The following MAGI1 variants were observed in gnomAD, a reference collection of about 807,000 sequenced individuals.
The protein encoded by MAGI1 is membrane-associated guanylate kinase, WW and PDZ domain-containing protein 1.
MAGI1 carries 58 observed loss-of-function variants against 139.9 expected under a neutral mutation model. The ratio of observed to expected loss-of-function variants is 0.41; its 90% CI spans 0.34 to 0.52. MAGI1 has a LOEUF of 0.52. Among genes scored for constraint, MAGI1 ranks in the 20% least tolerant of loss-of-function variants. MAGI1 has a pLI of 0.12. For missense variants in MAGI1, 1,874 were observed against 1,901.6 expected (o/e 0.99, Z 0.27); for synonymous variants, 812 against 737.9 (o/e 1.10, Z -1.63).
chr3:65,637,665 T>C (rs1048638928), intron 1 of MAGI1, among the ~76,000 whole-genome samples: 3 of 152,142 alleles, frequency 2.0e-5, no homozygotes, highest in Non-Finnish European at 4.4e-5. Flanking sequence ...TTGTTGAGAT[T>C]TGATATGCAC....
chr3:65,926,353 CT>C (rs1441800197), intron 1 of MAGI1, among the ~76,000 whole-genome samples: 9 of 151,300 alleles, frequency 5.9e-5, no homozygotes, highest in African/African-American at 2.2e-4. Flanking sequence ...CTCTCTCTCT[CT>C]CTCTCTCTCT....
At chr3:65,654,481 C>G (rs1044695762) in intron 1 of MAGI1, among the ~76,000 whole-genome samples, 1 of 152,076 alleles carries the variant, frequency 6.6e-6, no homozygotes, top group Non-Finnish European at 1.5e-5. Context: ...AGTATGGCAG[C>G]CTTATAATAA....
intron 1 of MAGI1, among the ~76,000 whole-genome samples, chr3:65,738,968 C>T (rs979759919): frequency 6.6e-6 from 1 of 152,188 alleles, no homozygotes; most frequent in Non-Finnish European, 1.5e-5. Flanking sequence ...TCACCAGCTA[C>T]GTTACCACCT....
intron 1 of MAGI1, among the ~76,000 whole-genome samples, chr3:65,952,553 G>A (rs753594587): frequency 1.3e-5 from 2 of 152,120 alleles, no homozygotes; most frequent in Non-Finnish European, 2.9e-5. Flanking sequence ...GGTGGCTCGC[G>A]CCTGTAATCC....
chr3:65,667,949 T>A (rs1266253983), intron 1 of MAGI1, among the ~76,000 whole-genome samples: 1 of 152,202 alleles, frequency 6.6e-6, no homozygotes, highest in Non-Finnish European at 1.5e-5. Flanking sequence ...CAAGTATAGC[T>A]ACGTACTAAG....
At chr3:65,752,352 A>G (rs1486547081) in intron 1 of MAGI1, among the ~76,000 whole-genome samples, 2 of 152,208 alleles carry the variant, frequency 1.3e-5, no homozygotes, top group African/African-American at 2.4e-5. Flanking sequence ...ATTTTCTTCT[A>G]TAAGATGAGG....
intron 1 of MAGI1, among the ~76,000 whole-genome samples, chr3:66,037,281 G>C (rs1254986155): frequency 1.3e-5 from 2 of 152,166 alleles, no homozygotes; most frequent in Non-Finnish European, 2.9e-5. Flanking sequence ...AACCAACAAT[G>C]AATAGTAGCT....
chr3:65,932,238 G>C (rs2062837050), intron 1 of MAGI1, among the ~76,000 whole-genome samples: 1 of 152,048 alleles, frequency 6.6e-6, no homozygotes, highest in African/African-American at 2.4e-5. Flanking sequence ...ATGCAAACAA[G>C]GTCTGTTCGA....
chr3:65,940,671 A>G (rs1576170600), intron 1 of MAGI1, among the ~76,000 whole-genome samples: 1 of 152,222 alleles, frequency 6.6e-6, no homozygotes, highest in South Asian at 2.1e-4. Context: ...TTACTTTTCT[A>G]CTGAGATTGT....
At chr3:65,427,155 T>C (rs913044480) in intron 12 of MAGI1, among the ~76,000 whole-genome samples, 1 of 151,712 alleles carries the variant, frequency 6.6e-6, no homozygotes, top group African/African-American at 2.4e-5. Context: ...CTACTGAAAA[T>C]ACAAAAATCA....
At chr3:65,623,865 T>C (rs1040422332) in intron 1 of MAGI1, among the ~76,000 whole-genome samples, 1 of 152,178 alleles carries the variant, frequency 6.6e-6, no homozygotes. Context: ...GAAAAATACA[T>C]ATATTCAAAC....
chr3:65,374,274 A>G (rs570397351), intron 18 of MAGI1, among the ~76,000 whole-genome samples: 44 of 152,100 alleles, frequency 2.9e-4, no homozygotes, highest in African/African-American at 9.4e-4. Flanking sequence ...CTAATTCTCT[A>G]AAGGATCTAT....
chr3:65,962,122 A>ATTTTTTTTTTTTTTTTTT (rs567359350), intron 1 of MAGI1, among the ~76,000 whole-genome samples: 1 of 122,528 alleles, frequency 8.2e-6, no homozygotes. Context: ...ATCTGATTGT[A>ATTTTTTTTTTTTTTTTTT]TTTTTTTTTT....
At position 65,354,321 on chromosome 3, in the gene MAGI1, T is replaced by C. The variant is rs140091543; in HGVS notation, c.*2057A>G. Reference sequence around the variant, plus strand: ...CTCCTTTTTAGCTACAGAATGTATATTGTGTCTGTTCCAGGAAAGGAACTT... The same window carrying C: ...CTCCTTTTTAGCTACAGAATGTATACTGTGTCTGTTCCAGGAAAGGAACTT... On this transcript the variant is annotated 3_prime_UTR_variant, in exon 23 of 23. Coordinates refer to ENST00000402939, the MANE Select transcript of MAGI1 (RefSeq NM_001033057.2). 4 of 152,780 alleles carry C rather than the reference T, an allele frequency of 2.6e-5. No homozygotes were observed. The highest frequency in any genetic ancestry group is 9.6e-5 in the African/African-American group (4 of 41,586). The allele number at this position is 152,780 out of a possible 1,614,324, so 9.5% of individuals were successfully genotyped here.
Position 65,614,539 on chromosome 3 carries a change from C to T in MAGI1, c.430+7433G>A, listed in dbSNP as rs2083275876. 2.6e-5 allele frequency among the ~76,000 whole-genome samples: 4 copies of T among 151,980 alleles called. No homozygotes were observed. The South Asian group carries it at 8.3e-4, about 32-fold the overall frequency. On this transcript the variant is annotated intron_variant, in intron 2 of 22. Coordinates refer to ENST00000402939, the MANE Select transcript of MAGI1 (RefSeq NM_001033057.2). Reference sequence around the variant, plus strand: ...CAGAGTTCCTGACACATTGGGCATACTCAATAAACACAACTTGGTTTTTTT... The same window carrying T: ...CAGAGTTCCTGACACATTGGGCATATTCAATAAACACAACTTGGTTTTTTT...
At chr3:65,876,690 T>C (rs539204645) in intron 1 of MAGI1, among the ~76,000 whole-genome samples, 1 of 152,042 alleles carries the variant, frequency 6.6e-6, no homozygotes, top group Non-Finnish European at 1.5e-5. Flanking sequence ...TTAATGTTTT[T>C]GTGATAAATC....
At chr3:65,557,628 C>G (rs1297335368) in intron 2 of MAGI1, among the ~76,000 whole-genome samples, 1 of 152,202 alleles carries the variant, frequency 6.6e-6, no homozygotes, top group Non-Finnish European at 1.5e-5. Flanking sequence ...CTTGTGGAAT[C>G]TTGCTCCTTT....
chr3:65,726,174 G>A (rs1331947172), intron 1 of MAGI1, among the ~76,000 whole-genome samples: 1 of 152,148 alleles, frequency 6.6e-6, no homozygotes, highest in East Asian at 1.9e-4. Flanking sequence ...ACACAGTCTT[G>A]TCATTGATTA....
chr3:65,880,470 C>A (rs1046650219), intron 1 of MAGI1, among the ~76,000 whole-genome samples: 3 of 152,260 alleles, frequency 2.0e-5, no homozygotes, highest in South Asian at 4.1e-4. Context: ...TCAGCCAAAA[C>A]ATCAGGGATT....
Sources: allele counts gnomAD v4.1 joint callset (sites outside exome capture counted in the v4.1 genomes callset), GRCh38; gene constraint gnomAD v4.1.1; transcripts MANE v1.5; gene names NCBI Gene and HGNC (gene_info 2026-07-23, HGNC 2026-07-21).